CCSER1: variants seen among roughly 807,000 people sequenced by gnomAD.
CCSER1 encodes the protein coiled-coil serine rich protein 1.
CCSER1 carries 41 observed loss-of-function variants against 82.0 expected under a neutral mutation model. The observed-to-expected ratio is 0.50, with a 90% CI of 0.39 to 0.65. CCSER1 has a LOEUF of 0.65. Among genes scored for constraint, CCSER1 ranks in the 30% least tolerant of loss-of-function variants. The probability of loss-of-function intolerance (pLI) is 0.00; values close to 1 mark genes in which losing one functional copy is unlikely to be tolerated. For synonymous variants in CCSER1, 414 were observed against 383.9 expected (o/e 1.08, Z -0.92); for missense variants, 1,119 against 1,064.2 (o/e 1.05, Z -0.72).
intron 5 of CCSER1, among the ~76,000 whole-genome samples, chr4:90,618,783 A>G (rs770606108): frequency 4.5e-4 from 68 of 151,902 alleles, no homozygotes; most frequent in Non-Finnish European, 1.3e-4. Flanking sequence ...TAAAACTCTT[A>G]TTGTTGATAA....
At chr4:90,253,815 T>C (rs1386965423) in intron 1 of CCSER1, among the ~76,000 whole-genome samples, 2 of 152,082 alleles carry the variant, frequency 1.3e-5, no homozygotes, top group Admixed American at 6.6e-5. Context: ...TTAGTCTCTT[T>C]TTGATTGTCT....
At chr4:90,788,306 G>A (rs1754788337) in intron 7 of CCSER1, among the ~76,000 whole-genome samples, 1 of 152,010 alleles carries the variant, frequency 6.6e-6, no homozygotes, top group Admixed American at 6.6e-5. Context: ...TGAAAATTAT[G>A]GGTGTGTCTA....
intron 1 of CCSER1, among the ~76,000 whole-genome samples, chr4:90,199,775 T>C (rs904625189): frequency 9.9e-5 from 15 of 152,186 alleles, no homozygotes; most frequent in African/African-American, 2.6e-4. Context: ...TTCACACTCA[T>C]GTATGGTAAT....
chr4:90,242,273 C>G (rs1445881555), intron 1 of CCSER1, among the ~76,000 whole-genome samples: 1 of 152,178 alleles, frequency 6.6e-6, no homozygotes, highest in East Asian at 1.9e-4. Flanking sequence ...TGCCAGTGCA[C>G]TCTAGCCTGG....
chr4:90,835,953 A>G (rs1413706638), intron 8 of CCSER1, among the ~76,000 whole-genome samples: 2 of 152,168 alleles, frequency 1.3e-5, no homozygotes, highest in African/African-American at 2.4e-5. Context: ...GAATACAAGC[A>G]TAGAGACTCT....
chr4:91,072,542 G>T (rs994896600), intron 9 of CCSER1, among the ~76,000 whole-genome samples: 1 of 152,040 alleles, frequency 6.6e-6, no homozygotes. Flanking sequence ...TCATTTAATA[G>T]GTTACTCAAT....
rs1488064520 is a variant in CCSER1, at chr4:90,811,322, T to C, written c.2011-4440T>C. Reference sequence around the variant, plus strand: ...AGGTTGAAAGTCAAAAACTTGCAGCTCCGGAAATAAGCAAGTAACAGTTAA... The same window carrying C: ...AGGTTGAAAGTCAAAAACTTGCAGCCCCGGAAATAAGCAAGTAACAGTTAA... On this transcript the variant is annotated intron_variant, in intron 7 of 10. Transcript: ENST00000509176. 2.0e-5 allele frequency among the ~76,000 whole-genome samples: 3 copies of C among 152,118 alleles called. No homozygotes were observed. In the East Asian group the frequency reaches 5.8e-4, roughly 29 times the overall value.
At chr4:91,449,249 ATAT>A (rs761951449) in intron 10 of CCSER1, among the ~76,000 whole-genome samples, 23 of 152,162 alleles carry the variant, frequency 1.5e-4, no homozygotes, top group Non-Finnish European at 2.9e-4. Flanking sequence ...AGATGTGGTA[ATAT>A]TTTTCAAAAC....
intron 1 of CCSER1, among the ~76,000 whole-genome samples, chr4:90,190,453 A>G (rs1294746205): frequency 2.0e-5 from 3 of 152,116 alleles, no homozygotes; most frequent in African/African-American, 7.2e-5. Flanking sequence ...GTAATTGCTT[A>G]CAAATCTTTG....
In CCSER1 at chr4:90,912,007, G is replaced by A. The variant is rs373023567; in HGVS notation, c.2095-11363G>A. Among the ~76,000 whole-genome samples the A allele has an allele frequency of 3.5e-4, 53 of 152,334 alleles. 1 individual carries two copies. The highest frequency in any genetic ancestry group is 1.5e-3 in the South Asian group (7 of 4,826). ...AAGCTGGAATTGGGTGGAGCCCACC[G>A]CAGCTCAAGGAGGCCTGCCTGCCTC... On this transcript the variant is annotated intron_variant, in intron 8 of 10. Coordinates refer to ENST00000509176, the MANE Select transcript of CCSER1 (RefSeq NM_001145065.2).
intron 10 of CCSER1, among the ~76,000 whole-genome samples, chr4:91,533,203 AT>A (rs1761122962): frequency 6.6e-6 from 1 of 152,190 alleles, no homozygotes; most frequent in Non-Finnish European, 1.5e-5. Context: ...ATTTTATATC[AT>A]TTTATATACT....
chr4:90,832,110 T>G (rs995132342), intron 8 of CCSER1, among the ~76,000 whole-genome samples: 9 of 152,102 alleles, frequency 5.9e-5, no homozygotes, highest in African/African-American at 1.7e-4. Context: ...TTCAGTGTTA[T>G]AAGTAACAAT....
At chr4:91,113,381 T>C (rs936724603) in intron 10 of CCSER1, among the ~76,000 whole-genome samples, 1 of 152,242 alleles carries the variant, frequency 6.6e-6, no homozygotes, top group African/African-American at 2.4e-5. Context: ...GAGGACCTAC[T>C]GTGTGCCAAG....
chr4:91,562,367 T>C (rs540588509), intron 10 of CCSER1, among the ~76,000 whole-genome samples: 42 of 151,636 alleles, frequency 2.8e-4, no homozygotes, highest in Non-Finnish European at 5.3e-4. Flanking sequence ...CTAAGTATCT[T>C]TATATAACTT....
intron 4 of CCSER1, among the ~76,000 whole-genome samples, chr4:90,405,605 T>C (rs1423937476): frequency 2.0e-5 from 3 of 152,154 alleles, no homozygotes; most frequent in Non-Finnish European, 4.4e-5. Context: ...TTAAGAGCTG[T>C]GAGGCAAAAG....
intron 6 of CCSER1, among the ~76,000 whole-genome samples, chr4:90,632,389 C>G (rs1724620403): frequency 6.6e-6 from 1 of 151,916 alleles, no homozygotes; most frequent in South Asian, 2.1e-4. Flanking sequence ...AGTAATTCTT[C>G]CATTTTGTGC....
chr4:91,097,454 A>G (rs1021066784), intron 10 of CCSER1, among the ~76,000 whole-genome samples: 2 of 152,182 alleles, frequency 1.3e-5, no homozygotes, highest in Non-Finnish European at 2.9e-5. Context: ...AAAGTGATGA[A>G]CAGTCTTGGC....
In CCSER1 at chr4:90,170,742, G is replaced by A. The variant is rs375176928; in HGVS notation, c.-42+42911G>A. 9.9e-5 allele frequency among the ~76,000 whole-genome samples: 15 copies of A among 151,762 alleles called. No homozygotes were observed. In the East Asian group the frequency reaches 2.3e-3, roughly 24 times the overall value. The stretch of plus-strand genomic sequence containing the variant: ...CTGAATAGTATTCCATTGTATATAT[G>A]TACTATATTTTCTTTATTCATCTTT... On this transcript the variant is annotated intron_variant, in intron 1 of 10. Transcript: ENST00000509176.
At chr4:91,030,547 G>C (rs1740886398) in intron 9 of CCSER1, among the ~76,000 whole-genome samples, 2 of 152,052 alleles carry the variant, frequency 1.3e-5, no homozygotes, top group African/African-American at 4.8e-5. Context: ...TCATGAGAGA[G>C]GGTCTTTGGT....
Sources: gnomAD v4.1 joint callset for allele counts (sites outside exome capture counted in the v4.1 genomes callset) on GRCh38, gnomAD v4.1.1 for gene constraint, MANE v1.5 for transcripts, NCBI Gene and HGNC (gene_info 2026-07-23, HGNC 2026-07-21) for gene names.